Variants in ATIC observed in about 807,000 individuals in gnomAD.
The protein encoded by ATIC is 5-aminoimidazole-4-carboxamide ribonucleotide formyltransferase/IMP cyclohydrolase.
In ATIC, 64 loss-of-function variants were observed where a neutral mutation model predicts 72.5. That is an observed-to-expected ratio of 0.88 (90% CI 0.72 to 1.09). The LOEUF (loss-of-function observed/expected upper bound fraction) is 1.09. Ranked by LOEUF, ATIC falls within the 50% of genes least tolerant of loss-of-function variation. ATIC has a pLI of 0.00. For missense variants in ATIC, 787 were observed against 732.4 expected (o/e 1.07, Z -0.86); for synonymous variants, 281 against 267.1 (o/e 1.05, Z -0.51).
intron 6 of ATIC, 104 bp downstream of exon 6, chr2:215,326,242 T>G: frequency 2.1e-6 from 3 of 1,397,384 alleles, no homozygotes; most frequent in Non-Finnish European, 3.0e-6. Context: ...CTACCAAAGC[T>G]TTGCTTGGAG....
chr2:215,365,966 ATTTTTT>A, the ATIC span, among the ~76,000 whole-genome samples: 35 of 90,336 alleles, frequency 3.9e-4, no homozygotes, highest in Non-Finnish European at 5.3e-4. Context: ...CCACAGTGCT[ATTTTTT>A]TTTTTTTTTT....
At chr2:215,366,840 T>C in the ATIC span, among the ~76,000 whole-genome samples, 2 of 152,212 alleles carry the variant, frequency 1.3e-5, no homozygotes, top group East Asian at 3.8e-4. Context: ...CGTAGTTCGA[T>C]TTCAGGAGTT....
At chr2:215,317,607 T>TC (rs1298244648) in intron 2 of ATIC, among the ~76,000 whole-genome samples, 2 of 152,094 alleles carry the variant, frequency 1.3e-5, no homozygotes, top group Non-Finnish European at 1.5e-5. Context: ...TGCCTCAGCC[T>TC]CCCCAGTAGC....
At chr2:215,335,033 G>C (rs1257353804) in intron 10 of ATIC, 29 bp downstream of exon 10, 1 of 1,522,550 alleles carries the variant, frequency 6.6e-7, no homozygotes. Flanking sequence ...ATCTTAATCT[G>C]TGTGTTGAAT....
At chr2:215,353,277 G>A (rs984295421), downstream of ATIC, among the ~76,000 whole-genome samples, 9 of 152,054 alleles carry the variant, frequency 5.9e-5, no homozygotes, top group East Asian at 1.3e-3. Flanking sequence ...TGTTTTGAAT[G>A]TACGGTTGTA....
chr2:215,352,399 T>C (rs2053137185), downstream of ATIC, among the ~76,000 whole-genome samples: 1 of 151,938 alleles, frequency 6.6e-6, no homozygotes, highest in African/African-American at 2.4e-5. Context: ...CTGGCCAACA[T>C]AGTGAAACCC....
chr2:215,352,983 G>A (rs900528195), downstream of ATIC, among the ~76,000 whole-genome samples: 1 of 152,062 alleles, frequency 6.6e-6, no homozygotes, highest in Admixed American at 6.6e-5. Flanking sequence ...TTTTTAGTTT[G>A]ATTTGTTGAG....
intron 4 of ATIC, among the ~76,000 whole-genome samples, chr2:215,323,100 A>T (rs1456625707): frequency 6.6e-6 from 1 of 152,092 alleles, no homozygotes; most frequent in African/African-American, 2.4e-5. Context: ...GCCCGCTACC[A>T]TGCGCAGCTA....
intron 7 of ATIC, among the ~76,000 whole-genome samples, chr2:215,327,182 G>A (rs2052838998): frequency 6.6e-6 from 1 of 152,162 alleles, no homozygotes; most frequent in East Asian, 1.9e-4. Flanking sequence ...AAGATGTCAT[G>A]GGGGAGATGG....
the ATIC span, among the ~76,000 whole-genome samples, chr2:215,357,607 C>T: frequency 5.3e-5 from 8 of 152,170 alleles, no homozygotes; most frequent in East Asian, 1.9e-4. Flanking sequence ...TTCTCTTGCT[C>T]TTTTATTACA....
At chr2:215,337,074 T>C (rs2052963836) in intron 11 of ATIC, among the ~76,000 whole-genome samples, 1 of 117,368 alleles carries the variant, frequency 8.5e-6, no homozygotes, top group African/African-American at 3.3e-5. Flanking sequence ...TTCTACTAAG[T>C]TGTTGTTGGC....
chr2:215,355,340 A>G, the ATIC span, among the ~76,000 whole-genome samples: 9 of 152,208 alleles, frequency 5.9e-5, no homozygotes, highest in East Asian at 9.7e-4. Context: ...ATGCATAATG[A>G]TCTTATGTCT....
chr2:215,332,298 G>A, intron 7 of ATIC, 84 bp from the exon 8 acceptor site: 24 of 1,559,376 alleles, frequency 1.5e-5, no homozygotes, highest in Non-Finnish European at 2.1e-5. Flanking sequence ...CATTTGTTTA[G>A]TCATGTTATT....
chr2:215,349,858 A>G, downstream of ATIC: 2 of 896,546 alleles, frequency 2.2e-6, no homozygotes, highest in Non-Finnish European at 3.3e-6. Context: ...ATTCCAGAGC[A>G]CCCCTGCCTA....
intron 7 of ATIC, among the ~76,000 whole-genome samples, chr2:215,329,881 C>T (rs1380945212): frequency 4.0e-5 from 6 of 151,824 alleles, no homozygotes; most frequent in African/African-American, 1.4e-4. Context: ...CCTGCCTCAG[C>T]CTCCTGAGTA....
the ATIC span, among the ~76,000 whole-genome samples, chr2:215,355,250 A>T: frequency 6.6e-6 from 1 of 152,070 alleles, no homozygotes; most frequent in South Asian, 2.1e-4. Context: ...TGGCACTGGA[A>T]CCCCATTAAC....
At chr2:215,327,889 ATT>A (rs140657850) in intron 7 of ATIC, among the ~76,000 whole-genome samples, 141,218 of 146,802 alleles carry the variant, frequency 0.96, 67,941 homozygotes, top group South Asian at 0.99. Context: ...CCTCAGATAG[ATT>A]TTTTTTTTTT....
intron 7 of ATIC, among the ~76,000 whole-genome samples, chr2:215,328,863 G>A (rs754281006): frequency 2.6e-4 from 40 of 151,912 alleles, no homozygotes; most frequent in African/African-American, 8.0e-4. Context: ...GACTACAGGC[G>A]CCTGCCACCA....
chr2:215,331,218 T>G (rs546403680), intron 7 of ATIC, among the ~76,000 whole-genome samples: 8 of 152,082 alleles, frequency 5.3e-5, no homozygotes, highest in Non-Finnish European at 1.2e-4. Flanking sequence ...GACAGTGACT[T>G]TTTTTTAAGA....
Sources: gnomAD v4.1 joint callset for allele counts (sites outside exome capture counted in the v4.1 genomes callset) on GRCh38, gnomAD v4.1.1 for gene constraint, MANE v1.5 for transcripts, NCBI Gene and HGNC (gene_info 2026-07-23, HGNC 2026-07-21) for gene names.